The following RAP1GAP2 variants were observed in gnomAD, a reference collection of about 807,000 sequenced individuals.
The protein encoded by RAP1GAP2 is RAP1 GTPase activating protein 2.
Under a neutral mutation model 95.0 loss-of-function variants are expected in RAP1GAP2, and 27 were observed. The observed-to-expected ratio is 0.28, with a 90% CI of 0.21 to 0.39. The LOEUF (loss-of-function observed/expected upper bound fraction) is 0.39, where lower values mean the gene tolerates loss of function less well. RAP1GAP2 is among the 10% of genes least tolerant of loss of function. RAP1GAP2 has a pLI of 1.00. For missense variants in RAP1GAP2, 771 were observed against 970.0 expected, an observed-to-expected ratio of 0.79 and a Z score of 2.72; for synonymous variants, 373 against 380.9, an observed-to-expected ratio of 0.98 and a Z score of 0.24.
intron 1 of RAP1GAP2, among the ~76,000 whole-genome samples, chr17:2,787,802 C>T (rs1435771549): frequency 6.6e-6 from 1 of 151,740 alleles, no homozygotes; most frequent in Non-Finnish European, 1.5e-5. Flanking sequence ...CTCCTGACCT[C>T]GTGATCTGCC....
intron 8 of RAP1GAP2, among the ~76,000 whole-genome samples, chr17:2,975,599 C>T (rs903958716): frequency 3.3e-5 from 5 of 152,224 alleles, no homozygotes; most frequent in Admixed American, 6.5e-5. Context: ...GGGCTCTCTT[C>T]ACCCTCCCTG....
intron 12 of RAP1GAP2, among the ~76,000 whole-genome samples, chr17:2,993,101 C>T (rs1022329422): frequency 1.4e-5 from 2 of 147,540 alleles, no homozygotes; most frequent in African/African-American, 2.5e-5. Flanking sequence ...AGGTGCCTGT[C>T]GTCCCAGCTA....
At chr17:2,945,832 C>T (rs996908975) in intron 3 of RAP1GAP2, among the ~76,000 whole-genome samples, 3 of 151,810 alleles carry the variant, frequency 2.0e-5, no homozygotes, top group Admixed American at 2.0e-4. Context: ...CTCTTTCGCC[C>T]AGGCTGGAGT....
chr17:2,860,913 C>T (rs945246266), intron 2 of RAP1GAP2, among the ~76,000 whole-genome samples: 44 of 151,940 alleles, frequency 2.9e-4, no homozygotes, highest in Admixed American at 2.1e-3. Flanking sequence ...GCCGACTTTC[C>T]GTTATACTTT....
At chr17:2,920,555 T>G (rs539076579) in intron 3 of RAP1GAP2, among the ~76,000 whole-genome samples, 1 of 152,364 alleles carries the variant, frequency 6.6e-6, no homozygotes, top group South Asian at 2.1e-4. Flanking sequence ...ACCAACTGTG[T>G]GACATCGTGC....
chr17:3,010,336 C>CAAAAAAAAAA (rs1179623628), intron 17 of RAP1GAP2, among the ~76,000 whole-genome samples: 2 of 70,276 alleles, frequency 2.8e-5, no homozygotes, highest in South Asian at 5.0e-4. Context: ...GAGACTGTCT[C>CAAAAAAAAAA]AAAAAAAAAA....
At chr17:2,858,656 T>G (rs1429879477) in intron 2 of RAP1GAP2, among the ~76,000 whole-genome samples, 4 of 151,994 alleles carry the variant, frequency 2.6e-5, no homozygotes, top group Non-Finnish European at 5.9e-5. Context: ...GCCTGTAATC[T>G]CAGCACGTTG....
At chr17:2,860,903 G>T (rs1433766949) in intron 2 of RAP1GAP2, among the ~76,000 whole-genome samples, 1 of 151,960 alleles carries the variant, frequency 6.6e-6, no homozygotes, top group Non-Finnish European at 1.5e-5. Flanking sequence ...ACCGCGCCTG[G>T]CCGACTTTCC....
chr17:2,937,495 A>G (rs535230268), intron 3 of RAP1GAP2, among the ~76,000 whole-genome samples: 1 of 152,172 alleles, frequency 6.6e-6, no homozygotes, highest in East Asian at 1.9e-4. Flanking sequence ...GTGCTGAATG[A>G]TTCACTGGCT....
chr17:2,986,403 C>T (rs1422371156), intron 11 of RAP1GAP2, among the ~76,000 whole-genome samples: 2 of 152,078 alleles, frequency 1.3e-5, no homozygotes, highest in South Asian at 2.1e-4. Flanking sequence ...TTTACCAAAG[C>T]GGATCTTATA....
rs147228963 is a variant in RAP1GAP2, at chr17:2,992,302, A to G, written c.914+905A>G. 8.8e-3 allele frequency among the ~76,000 whole-genome samples: 1,327 copies of G among 151,632 alleles called. 18 individuals carry two copies. Among genetic ancestry groups the G allele is most frequent in the African/African-American group, 0.029 (1,189 of 41,300 alleles). On this transcript the variant is annotated intron_variant, in intron 12 of 24. Transcript: ENST00000254695. Reference sequence around the variant, plus strand: ...CAGCCTCCCGAGTAGCTGGGACTACAAGGCGCGCGCCACCATGCCTGGCTA... The same window carrying G: ...CAGCCTCCCGAGTAGCTGGGACTACGAGGCGCGCGCCACCATGCCTGGCTA...
chr17:2,960,196 C>G (rs749104592), intron 4 of RAP1GAP2, among the ~76,000 whole-genome samples: 1 of 151,774 alleles, frequency 6.6e-6, no homozygotes, highest in Admixed American at 6.6e-5. Flanking sequence ...GAGAGGGCCC[C>G]GTGCTGGGCA....
At position 2,906,747 on chromosome 17, in the gene RAP1GAP2, A is replaced by G. The variant is rs1028153272; in HGVS notation, c.165+1379A>G. 1.3e-5 allele frequency among the ~76,000 whole-genome samples: 2 copies of G among 152,130 alleles called. No individual in the cohort carries two copies. The highest frequency in any genetic ancestry group is 2.9e-5 in the Non-Finnish European group (2 of 68,012). ...CAGATGGCAGGAGTTTGCAGGGAGA[A>G]GTCTGACAGTCTCCTAGGAGGAGTC... On this transcript the variant is annotated intron_variant, in intron 3 of 24. Coordinates refer to ENST00000254695, the MANE Select transcript of RAP1GAP2 (RefSeq NM_015085.5). The surrounding 1 kb of genome is among the most constrained non-coding windows in gnomAD (Gnocchi z 4.3).
rs369147676 is a variant in RAP1GAP2, at chr17:2,869,027, G to A, written c.81-36257G>A. ...CGTCTTCTCGCCATGTTCTCACATA[G>A]CGAAGGGGCAAGGGAGCTCTCAGGG... is the stretch of plus-strand genomic sequence containing the variant. On this transcript the variant is annotated intron_variant, in intron 2 of 24. Coordinates refer to ENST00000254695, the MANE Select transcript of RAP1GAP2 (RefSeq NM_015085.5). Among the ~76,000 whole-genome samples the A allele has an allele frequency of 1.2e-4, 18 of 152,250 alleles. No individual in the cohort carries two copies. The South Asian group carries it at 1.9e-3, about 16-fold the overall frequency.
chr17:2,889,889 A>ATATATATATTTTT (rs1408426152), intron 2 of RAP1GAP2, among the ~76,000 whole-genome samples: 18 of 57,312 alleles, frequency 3.1e-4, no homozygotes, highest in East Asian at 6.4e-4. Flanking sequence ...ATATATATAT[A>ATATATATATTTTT]TTTTTTTTTT....
intron 2 of RAP1GAP2, among the ~76,000 whole-genome samples, chr17:2,840,819 G>A (rs2071343827): frequency 6.6e-6 from 1 of 152,084 alleles, no homozygotes; most frequent in African/African-American, 2.4e-5. Context: ...CCAATATGGT[G>A]ACACCCTGTC....
intron 2 of RAP1GAP2, among the ~76,000 whole-genome samples, chr17:2,828,750 CG>C (rs2070700745): frequency 6.6e-6 from 1 of 152,092 alleles, no homozygotes; most frequent in Non-Finnish European, 1.5e-5. Context: ...AAGCCCTGGC[CG>C]GGGGCAGAAG....
chr17:2,999,835 C>T (rs1486207911), intron 14 of RAP1GAP2, among the ~76,000 whole-genome samples: 1 of 151,836 alleles, frequency 6.6e-6, no homozygotes, highest in African/African-American at 2.4e-5. Flanking sequence ...GCAACAGAAA[C>T]CCAATAGCAA....
chr17:2,853,175 G>A (rs1250532479), intron 2 of RAP1GAP2, among the ~76,000 whole-genome samples: 1 of 152,138 alleles, frequency 6.6e-6, no homozygotes, highest in African/African-American at 2.4e-5. Context: ...TCTGCGGGGA[G>A]GCGGGGGCAG....
Sources: allele counts gnomAD v4.1 joint callset (sites outside exome capture counted in the v4.1 genomes callset), GRCh38; gene constraint gnomAD v4.1.1; non-coding constraint Gnocchi (gnomAD v3.1); transcripts MANE v1.5; gene names NCBI Gene and HGNC (gene_info 2026-07-23, HGNC 2026-07-21).